JMJD1C: variants seen among roughly 807,000 people sequenced by gnomAD.
JMJD1C encodes the protein jumonji domain containing 1C.
In JMJD1C, 31 loss-of-function variants were observed where a neutral mutation model predicts 245.3. The ratio of observed to expected loss-of-function variants is 0.13; its 90% CI spans 0.09 to 0.17. The LOEUF is 0.17. JMJD1C is among the 10% of genes least tolerant of loss of function. The pLI is 1.00. For missense variants in JMJD1C, 2,691 were observed against 3,000.2 expected, an observed-to-expected ratio of 0.90 and a Z score of 2.41; for synonymous variants, 1,057 against 1,017.4, an observed-to-expected ratio of 1.04 and a Z score of -0.74.
intron 1 of JMJD1C, among the ~76,000 whole-genome samples, chr10:63,448,669 A>G (rs962661262): frequency 6.6e-6 from 1 of 152,254 alleles, no homozygotes; most frequent in Non-Finnish European, 1.5e-5. Flanking sequence ...AAATAGAAAT[A>G]AAGCAGTTCT....
chr10:63,204,950 T>A, intron 10 of JMJD1C: 1 of 985,374 alleles, frequency 1.0e-6, no homozygotes, highest in Non-Finnish European at 1.2e-6. Flanking sequence ...AGTGTCCACA[T>A]TGTCACAGAT....
At chr10:63,380,941 G>A (rs1247013534) in intron 1 of JMJD1C, among the ~76,000 whole-genome samples, 2 of 152,130 alleles carry the variant, frequency 1.3e-5, no homozygotes, top group Non-Finnish European at 2.9e-5. Flanking sequence ...AGAAAGGAAG[G>A]TATATTGAAG....
rs552033522 is a variant in JMJD1C at position 63,357,635 on chromosome 10, T to C, written c.333+22683A>G. ...TGTGCTTTAAAAGAGTATCAAAAGA[T>C]ATTTGTATTTATTTTTCATAAAACT... On this transcript the variant is annotated intron_variant, in intron 2 of 25. Transcript: ENST00000399262. Among the ~76,000 whole-genome samples the C allele has an allele frequency of 3.9e-5, 6 of 152,246 alleles. No homozygotes were observed. The South Asian group carries it at 1.2e-3, about 32-fold the overall frequency.
At position 63,465,432 on chromosome 10, in the gene JMJD1C, G is replaced by A. The variant is rs2133121346; in HGVS notation, c.168+63C>T. 2.7e-6 allele frequency: 4 copies of A among 1,466,598 alleles called. No individual in the cohort carries two copies. In the South Asian group the frequency reaches 5.2e-5, roughly 19 times the overall value. The allele number at this position is 1,466,598 out of a possible 1,614,324, so 90.8% of individuals were successfully genotyped here. On this transcript the variant is annotated intron_variant, in intron 1 of 25. Coordinates refer to ENST00000399262, the MANE Select transcript of JMJD1C (RefSeq NM_032776.3). ...CGAGGCGCCAGAGGGAAGCCTGCAAGGTACGTCTGCGAGAGCCGGGTGCGG... is the reference window on the plus strand; with the variant it reads ...CGAGGCGCCAGAGGGAAGCCTGCAAAGTACGTCTGCGAGAGCCGGGTGCGG...
At chr10:63,428,254 A>G (rs1564909941) in intron 1 of JMJD1C, among the ~76,000 whole-genome samples, 2 of 152,346 alleles carry the variant, frequency 1.3e-5, no homozygotes, top group Middle Eastern at 3.4e-3. Flanking sequence ...GCAAATGTAT[A>G]TACTTAAGTT....
At chr10:63,306,722 A>G (rs898543076) in intron 2 of JMJD1C, among the ~76,000 whole-genome samples, 20 of 152,358 alleles carry the variant, frequency 1.3e-4, no homozygotes, top group African/African-American at 4.8e-4. Flanking sequence ...TAAAAATGTT[A>G]CATATCAATA....
intron 19 of JMJD1C, 65 bp from the exon 20 acceptor site, chr10:63,185,718 G>A: frequency 8.9e-6 from 8 of 894,840 alleles, no homozygotes; most frequent in Non-Finnish European, 1.3e-5. Context: ...TTAACATTTG[G>A]AAAGAAACGT....
Position 63,335,552 on chromosome 10 carries a change from C to T in JMJD1C, c.333+44766G>A, listed in dbSNP as rs186602354. Among the ~76,000 whole-genome samples the T allele has an allele frequency of 6.8e-4, 104 of 152,266 alleles. 1 individual carries two copies. The highest frequency in any genetic ancestry group is 2.4e-3 in the African/African-American group (101 of 41,572). On this transcript the variant is annotated intron_variant, in intron 2 of 25. Transcript: ENST00000399262. ...TATGAGACAAAGTCTTACTCTGACG[C>T]CCAGGCTGGAGTGCAGTGGCACAAT...
intron 2 of JMJD1C, among the ~76,000 whole-genome samples, chr10:63,340,765 T>C (rs1021921755): frequency 6.6e-6 from 1 of 152,050 alleles, no homozygotes; most frequent in South Asian, 2.1e-4. Flanking sequence ...GCCAACATGG[T>C]GAAGCTCCAT....
chr10:63,279,225 G>A (rs181126683), intron 2 of JMJD1C, among the ~76,000 whole-genome samples: 1 of 152,244 alleles, frequency 6.6e-6, no homozygotes, highest in East Asian at 1.9e-4. Context: ...ACTCCAGCCT[G>A]GGCAAAAGAG....
intron 1 of JMJD1C, among the ~76,000 whole-genome samples, chr10:63,478,890 C>CA (rs1171638574): frequency 3.9e-5 from 6 of 152,096 alleles, no homozygotes; most frequent in African/African-American, 1.4e-4. Context: ...CACTTGAGCC[C>CA]AAGTGTTCAA....
intron 1 of JMJD1C, among the ~76,000 whole-genome samples, chr10:63,415,234 C>A (rs572093332): frequency 2.7e-5 from 4 of 149,486 alleles, no homozygotes; most frequent in South Asian, 2.1e-4. Context: ...ATCAGATATA[C>A]CTCATTATGA....
Position 63,197,420 on chromosome 10 carries a change from T to C in JMJD1C, c.5635A>G (p.Ser1879Gly). 1 of 1,612,992 alleles carries C rather than the reference T, an allele frequency of 6.2e-7. No homozygotes were observed. Among genetic ancestry groups the C allele is most frequent in the Non-Finnish European group, 8.5e-7 (1 of 1,179,672 alleles). Residue 1879 changes from serine to glycine, a missense_variant, in exon 13 of 26, where the codon AGT becomes GGT. Coordinates refer to ENST00000399262, the MANE Select transcript of JMJD1C (RefSeq NM_032776.3). ...AAACTTATACACCAACCTCTAGAAC[T>C]CTTCCTTTCCTTTGCCTTGTAACAA... ...LDCYKAKERK[S>G]SRDKELYAWM... is the part of the protein sequence containing the mutation.
intron 1 of JMJD1C, among the ~76,000 whole-genome samples, chr10:63,473,073 GC>G (rs1192603454): frequency 3.9e-5 from 6 of 152,042 alleles, no homozygotes; most frequent in Non-Finnish European, 8.8e-5. Context: ...GTAAGCCACT[GC>G]CCCCAGCCTA....
At chr10:63,461,427 G>A (rs975377039) in intron 1 of JMJD1C, among the ~76,000 whole-genome samples, 11 of 152,102 alleles carry the variant, frequency 7.2e-5, no homozygotes, top group Non-Finnish European at 1.2e-4. Flanking sequence ...GAAATGTAAT[G>A]CTACCAACTA....
intron 1 of JMJD1C, among the ~76,000 whole-genome samples, chr10:63,520,770 G>A (rs1033324341): frequency 1.3e-5 from 2 of 152,198 alleles, no homozygotes; most frequent in Admixed American, 1.3e-4. Flanking sequence ...AAGAGGCCCA[G>A]AACAGTGGTA....
intron 1 of JMJD1C, among the ~76,000 whole-genome samples, chr10:63,442,402 T>C (rs1951443863): frequency 6.6e-6 from 1 of 152,216 alleles, no homozygotes; most frequent in Admixed American, 6.5e-5. Flanking sequence ...AAAGTATGTG[T>C]ATTCATATTT....
intron 12 of JMJD1C, among the ~76,000 whole-genome samples, chr10:63,197,872 G>C (rs951180783): frequency 1.3e-5 from 2 of 152,162 alleles, no homozygotes; most frequent in African/African-American, 4.8e-5. Context: ...ACTGTTCAGA[G>C]GCATCTGTAG....
chr10:63,354,535 G>A (rs532333460), intron 2 of JMJD1C, among the ~76,000 whole-genome samples: 13 of 151,950 alleles, frequency 8.6e-5, no homozygotes, highest in African/African-American at 3.1e-4. Context: ...CAACTGAGAT[G>A]AGCATGCTAA....
Sources: gnomAD v4.1 joint callset for allele counts (sites outside exome capture counted in the v4.1 genomes callset) on GRCh38, gnomAD v4.1.1 for gene constraint, MANE v1.5 for transcripts, NCBI Gene and HGNC (gene_info 2026-07-23, HGNC 2026-07-21) for gene names.